Variants in SMAP1 observed in about 807,000 individuals in gnomAD.
SMAP1 encodes small ArfGAP 1, also known as stromal membrane-associated protein 1.
In SMAP1, 24 loss-of-function variants were observed where a neutral mutation model predicts 58.5. The ratio of observed to expected loss-of-function variants is 0.41; its 90% CI spans 0.30 to 0.58. The LOEUF is 0.58. Ranked by LOEUF, SMAP1 falls within the 20% of genes least tolerant of loss-of-function variation. The pLI, the probability that SMAP1 is intolerant of heterozygous loss-of-function variation, is 0.29. For missense variants in SMAP1, 563 were observed against 566.3 expected, an observed-to-expected ratio of 0.99 and a Z score of 0.06; for synonymous variants, 216 against 196.6, an observed-to-expected ratio of 1.10 and a Z score of -0.82.
intron 1 of SMAP1, among the ~76,000 whole-genome samples, chr6:70,713,369 GA>G (rs1169080537): frequency 1.3e-5 from 2 of 151,748 alleles, no homozygotes; most frequent in South Asian, 2.1e-4. Flanking sequence ...TTTATTTTGA[GA>G]TTTTTTTTAA....
At chr6:70,686,779 T>TATA (rs1042104913) in intron 1 of SMAP1, among the ~76,000 whole-genome samples, 12 of 152,224 alleles carry the variant, frequency 7.9e-5, no homozygotes, top group Non-Finnish European at 1.5e-4. Context: ...ACAGCTTTAG[T>TATA]AATTTCTTTG....
chr6:70,786,086 T>G (rs1768012430), intron 4 of SMAP1, among the ~76,000 whole-genome samples: 1 of 152,074 alleles, frequency 6.6e-6, no homozygotes, highest in African/African-American at 2.4e-5. Context: ...CAGCAGCACA[T>G]CAAAAAGCTT....
At chr6:70,857,812 TA>T in intron 9 of SMAP1, 109 bp from the exon 10 acceptor site, 1 of 1,231,294 alleles carries the variant, frequency 8.1e-7, no homozygotes. Context: ...AAACTGGAAT[TA>T]AAATGTTTGC....
Position 70,791,682 on chromosome 6 carries a change from T to G in SMAP1, c.415-7T>G. On this transcript the variant is annotated splice_polypyrimidine_tract_variant and splice_region_variant and intron_variant, in intron 4 of 10. Transcript: ENST00000370455. ...TTTCCTCCTGACTTTTCACCTGTAC[T>G]CCACAGATTTCCTCCTCTGATGCTC... is the stretch of plus-strand genomic sequence containing the variant. The G allele has an allele frequency of 6.2e-7, 1 of 1,611,352 alleles. No individual in the cohort carries two copies. The highest frequency in any genetic ancestry group is 8.5e-7 in the Non-Finnish European group (1 of 1,178,694).
intron 1 of SMAP1, among the ~76,000 whole-genome samples, chr6:70,716,533 TGCCTTAA>T (rs1158614713): frequency 6.6e-6 from 1 of 152,192 alleles, no homozygotes; most frequent in Non-Finnish European, 1.5e-5. Context: ...TGGAGGCTCC[TGCCTTAA>T]GCTGTCTTTA....
At chr6:70,787,954 A>G (rs1408490658) in intron 4 of SMAP1, among the ~76,000 whole-genome samples, 1 of 152,120 alleles carries the variant, frequency 6.6e-6, no homozygotes, top group Non-Finnish European at 1.5e-5. Context: ...TACTGGGTAT[A>G]TACCCAAAGG....
At chr6:70,847,403 T>C (rs1314280537) in intron 7 of SMAP1, among the ~76,000 whole-genome samples, 1 of 152,236 alleles carries the variant, frequency 6.6e-6, no homozygotes, top group African/African-American at 2.4e-5. Flanking sequence ...TGTCGGTTTC[T>C]CATATGTGGG....
rs770716844 is a variant in SMAP1, at chr6:70,858,231, TA to T, written c.1269+3del. 1 of 1,604,128 alleles carries T rather than the reference TA, an allele frequency of 6.2e-7. No homozygotes were observed. The highest frequency in any genetic ancestry group is 8.5e-7 in the Non-Finnish European group (1 of 1,175,190). On this transcript the variant is annotated splice_donor_region_variant and intron_variant, in intron 10 of 10. Coordinates refer to ENST00000370455, the MANE Select transcript of SMAP1 (RefSeq NM_001044305.3). ...CAGCCCCAGTGGAGCCTCTCACAGG[TA>T]GGGGTCATTTACTTTCTAGCTTCTC... is the stretch of plus-strand genomic sequence containing the variant.
chr6:70,819,275 A>G (rs906840880), intron 6 of SMAP1, among the ~76,000 whole-genome samples: 9 of 152,084 alleles, frequency 5.9e-5, no homozygotes, highest in Non-Finnish European at 1.3e-4. Flanking sequence ...TCATCAACAA[A>G]AAGATGAGCT....
intron 5 of SMAP1, among the ~76,000 whole-genome samples, chr6:70,795,551 A>T (rs578206866): frequency 6.6e-6 from 1 of 152,002 alleles, no homozygotes; most frequent in Admixed American, 6.6e-5. Context: ...AAGGGTGTGA[A>T]TCCTATTCAT....
At chr6:70,745,200 G>C (rs2149877657) in intron 2 of SMAP1, among the ~76,000 whole-genome samples, 1 of 152,244 alleles carries the variant, frequency 6.6e-6, no homozygotes, top group Non-Finnish European at 1.5e-5. Flanking sequence ...TATCAATTTT[G>C]GCTTTTGTTG....
At chr6:70,699,376 AC>A (rs1346190018) in intron 1 of SMAP1, among the ~76,000 whole-genome samples, 3 of 152,014 alleles carry the variant, frequency 2.0e-5, no homozygotes, top group Admixed American at 2.0e-4. Flanking sequence ...ACTGAGTCTT[AC>A]CCGGGACCTG....
intron 1 of SMAP1, among the ~76,000 whole-genome samples, chr6:70,714,893 AT>A (rs900819013): frequency 1.8e-4 from 27 of 151,078 alleles, no homozygotes; most frequent in South Asian, 8.4e-4. Context: ...TTGGCTGACA[AT>A]TTTTTTTTCT....
intron 2 of SMAP1, among the ~76,000 whole-genome samples, chr6:70,739,808 T>C (rs1251839471): frequency 2.6e-5 from 4 of 152,244 alleles, no homozygotes; most frequent in Admixed American, 6.5e-5. Context: ...CGTCTGCCTT[T>C]CCATTTTTCT....
At chr6:70,696,647 G>C (rs1767417468) in intron 1 of SMAP1, among the ~76,000 whole-genome samples, 1 of 152,162 alleles carries the variant, frequency 6.6e-6, no homozygotes, top group African/African-American at 2.4e-5. Context: ...TTTAAGAGTT[G>C]TTTTGTGGCC....
chr6:70,856,671 T>G, intron 8 of SMAP1, 188 bp from the exon 9 acceptor site: 1 of 486,356 alleles, frequency 2.1e-6, no homozygotes, highest in Non-Finnish European at 3.6e-6. Flanking sequence ...AATTAAGAAG[T>G]ACTGTCTTGA....
intron 1 of SMAP1, among the ~76,000 whole-genome samples, chr6:70,693,425 T>C (rs1278170239): frequency 1.3e-5 from 2 of 150,484 alleles, no homozygotes; most frequent in South Asian, 4.3e-4. Context: ...TGCCTCTGCC[T>C]CCTGAGTAGC....
intron 6 of SMAP1, among the ~76,000 whole-genome samples, chr6:70,814,871 TATC>T (rs1233097391): frequency 2.0e-5 from 3 of 152,152 alleles, no homozygotes; most frequent in Non-Finnish European, 4.4e-5. Context: ...CTTACCATCT[TATC>T]AACACACTGT....
chr6:70,671,572 C>T (rs1766267462), intron 1 of SMAP1, among the ~76,000 whole-genome samples: 2 of 152,178 alleles, frequency 1.3e-5, no homozygotes, highest in Admixed American at 6.5e-5. Context: ...AACAAGACTC[C>T]GTCTCAGGGA....
Sources: gnomAD v4.1 joint callset for allele counts (sites outside exome capture counted in the v4.1 genomes callset) on GRCh38, gnomAD v4.1.1 for gene constraint, MANE v1.5 for transcripts, NCBI Gene and HGNC (gene_info 2026-07-23, HGNC 2026-07-21) for gene names.